Variants in SIPA1L1 observed in about 807,000 individuals in gnomAD.
SIPA1L1 encodes signal-induced proliferation-associated 1-like protein 1.
Under a neutral mutation model 162.7 loss-of-function variants are expected in SIPA1L1, and 26 were observed. The observed-to-expected ratio is 0.16, with a 90% CI of 0.12 to 0.22. The LOEUF is 0.22. Ranked by LOEUF, SIPA1L1 falls within the 10% of genes least tolerant of loss-of-function variation. The pLI, the probability that SIPA1L1 is intolerant of heterozygous loss-of-function variation, is 1.00. For synonymous variants in SIPA1L1, 829 were observed against 837.4 expected, an observed-to-expected ratio of 0.99 and a Z score of 0.17; for missense variants, 1,874 against 2,241.0, an observed-to-expected ratio of 0.84 and a Z score of 3.31.
At chr14:71,552,548 C>T (rs988234982) in intron 4 of SIPA1L1, among the ~76,000 whole-genome samples, 5 of 151,952 alleles carry the variant, frequency 3.3e-5, no homozygotes, top group Admixed American at 6.6e-5. Context: ...CCCGCCACCA[C>T]GCCCGGCTAA....
Position 71,588,283 on chromosome 14 carries a change from C to A in SIPA1L1, c.411C>A (p.Asn137Lys), listed in dbSNP as rs1196850646. 3 of 1,614,056 alleles carry A rather than the reference C, an allele frequency of 1.9e-6. No homozygotes were observed. In the South Asian group the frequency reaches 3.3e-5, roughly 18 times the overall value. Residue 137 changes from asparagine (N) to lysine (K), a missense_variant, in exon 5 of 24, where the codon AAC (asparagine) becomes AAA (lysine). By Grantham distance (94) the Asn-to-Lys change is moderately conservative (BLOSUM62 0). Coordinates refer to ENST00000381232, the MANE Select transcript of SIPA1L1 (RefSeq NM_001386936.1). The surrounding 1 kb of genome is among the most constrained non-coding windows in gnomAD (Gnocchi z 4.3). ...CAGCCATGCTGAAAAGCATACAGAA[C>A]ACGCTGAAAAACAAGACAAGACCGT... The part of the protein sequence containing the change: ...NDSAMLKSIQ[N>K]TLKNKTRPSE...
intron 7 of SIPA1L1, among the ~76,000 whole-genome samples, chr14:71,649,191 T>G (rs1224051714): frequency 7.1e-6 from 1 of 140,290 alleles, no homozygotes; most frequent in East Asian, 2.0e-4. Context: ...AAAGTCCAAT[T>G]TTTTTTTTTT....
At chr14:71,626,973 T>G (rs1267166772) in intron 7 of SIPA1L1, among the ~76,000 whole-genome samples, 2 of 151,936 alleles carry the variant, frequency 1.3e-5, no homozygotes, top group African/African-American at 2.4e-5. Context: ...CACAAAAATC[T>G]AATAATTTTT....
intron 16 of SIPA1L1, among the ~76,000 whole-genome samples, chr14:71,707,008 C>CTGGG (rs1420528099): frequency 7.6e-4 from 113 of 148,766 alleles, no homozygotes; most frequent in African/African-American, 2.7e-3. Context: ...GCACGCCAGC[C>CTGGG]TGGGTGACAG....
At chr14:71,560,115 T>C (rs1332865905) in intron 4 of SIPA1L1, among the ~76,000 whole-genome samples, 3 of 152,240 alleles carry the variant, frequency 2.0e-5, no homozygotes, top group Non-Finnish European at 4.4e-5. Flanking sequence ...TTAAACTTTA[T>C]CTTTGATCAA....
intron 2 of SIPA1L1, among the ~76,000 whole-genome samples, chr14:71,343,365 C>T (rs182640583): frequency 1.1e-3 from 162 of 152,164 alleles, no homozygotes; most frequent in Middle Eastern, 6.8e-3. Flanking sequence ...CTATGTATTT[C>T]GTAGATAACA....
intron 16 of SIPA1L1, among the ~76,000 whole-genome samples, chr14:71,706,049 T>A (rs1364795610): frequency 1.3e-5 from 2 of 152,146 alleles, no homozygotes; most frequent in African/African-American, 2.4e-5. Flanking sequence ...TGAGGAAATA[T>A]TGTATTTCAT....
At chr14:71,436,857 C>T (rs573008138) in intron 2 of SIPA1L1, among the ~76,000 whole-genome samples, 29 of 151,256 alleles carry the variant, frequency 1.9e-4, no homozygotes, top group African/African-American at 5.6e-4. Flanking sequence ...CTCTATCGCC[C>T]GGGTTCAAGT....
At chr14:71,337,040 CATT>C (rs2035169269) in intron 2 of SIPA1L1, among the ~76,000 whole-genome samples, 1 of 152,208 alleles carries the variant, frequency 6.6e-6, no homozygotes, top group Non-Finnish European at 1.5e-5. Context: ...CTTGTCTGAT[CATT>C]CTTTCTAAGG....
intron 2 of SIPA1L1, among the ~76,000 whole-genome samples, chr14:71,479,012 G>A (rs1336922462): frequency 2.0e-5 from 3 of 152,072 alleles, no homozygotes. Context: ...TCCAGGTTTA[G>A]GAATTCCCTT....
At chr14:71,590,001 C>A (rs2035061888) in intron 5 of SIPA1L1, among the ~76,000 whole-genome samples, 1 of 115,082 alleles carries the variant, frequency 8.7e-6, no homozygotes. Context: ...CCTTTCTAAT[C>A]TTTTCTTTGA....
At chr14:71,612,437 A>G (rs768458657) in intron 5 of SIPA1L1, among the ~76,000 whole-genome samples, 9 of 152,090 alleles carry the variant, frequency 5.9e-5, no homozygotes, top group East Asian at 1.9e-4. Flanking sequence ...TATGATGTCT[A>G]TTTTTTCTAT....
At chr14:71,668,423 AC>A (rs2044220066) in intron 10 of SIPA1L1, among the ~76,000 whole-genome samples, 1 of 152,228 alleles carries the variant, frequency 6.6e-6, no homozygotes, top group Non-Finnish European at 1.5e-5. Context: ...AAGAATTTGT[AC>A]CAGCTGCTCA....
intron 17 of SIPA1L1, among the ~76,000 whole-genome samples, chr14:71,713,170 C>T (rs775292899): frequency 5.3e-5 from 8 of 152,166 alleles, no homozygotes; most frequent in Non-Finnish European, 1.2e-4. Context: ...ATCTGGGCAA[C>T]ATAGTGAGAC....
At chr14:71,697,110 T>C (rs2081693737) in intron 13 of SIPA1L1, among the ~76,000 whole-genome samples, 1 of 152,068 alleles carries the variant, frequency 6.6e-6, no homozygotes, top group African/African-American at 2.4e-5. Context: ...AGGGAAGCTT[T>C]GAATAGGCTT....
At chr14:71,408,635 T>C (rs1290254918) in intron 2 of SIPA1L1, among the ~76,000 whole-genome samples, 1 of 152,164 alleles carries the variant, frequency 6.6e-6, no homozygotes, top group Non-Finnish European at 1.5e-5. Flanking sequence ...CCCCTTTCCT[T>C]GCTTTCAGGA....
intron 7 of SIPA1L1, among the ~76,000 whole-genome samples, chr14:71,631,268 T>C (rs926560816): frequency 2.6e-5 from 4 of 152,246 alleles, no homozygotes; most frequent in Non-Finnish European, 5.9e-5. Flanking sequence ...TATAACAGGC[T>C]GTAGACACTT....
chr14:71,520,710 G>A (rs541682060), intron 3 of SIPA1L1, among the ~76,000 whole-genome samples: 25 of 152,128 alleles, frequency 1.6e-4, no homozygotes, highest in South Asian at 6.2e-4. Flanking sequence ...TATTGTTACA[G>A]TATTCCGTTA....
rs61994382 is a variant in SIPA1L1 at position 71,674,627 on chromosome 14, G to T, written c.3104+2005G>T. Among the ~76,000 whole-genome samples the T allele has an allele frequency of 3.3e-3, 491 of 149,796 alleles. 2 individuals are homozygous for T. Among genetic ancestry groups the T allele is most frequent in the Admixed American group, 6.5e-3 (99 of 15,130 alleles). On this transcript the variant is annotated intron_variant, in intron 12 of 23. Transcript: ENST00000381232. ...TCGCCCAGGCTGGAGTGCAGTGGCG[G>T]GGTCTCGGCTCACTGCAAGCTCCGC...
Sources: gnomAD v4.1 joint callset for allele counts (sites outside exome capture counted in the v4.1 genomes callset) on GRCh38, gnomAD v4.1.1 for gene constraint, Gnocchi (gnomAD v3.1) non-coding constraint, MANE v1.5 for transcripts, NCBI Gene and HGNC (gene_info 2026-07-23, HGNC 2026-07-21) for gene names.